Variants in SPIRE1 observed in about 807,000 individuals in gnomAD.
SPIRE1 encodes the protein protein spire homolog 1.
A neutral mutation model predicts 94.1 loss-of-function variants in SPIRE1; 40 were observed. That is an observed-to-expected ratio of 0.43 (90% CI 0.33 to 0.55). SPIRE1 has a LOEUF of 0.55. Ranked by LOEUF, SPIRE1 falls within the 20% of genes least tolerant of loss-of-function variation. The pLI is 0.06. For missense variants in SPIRE1, 838 were observed against 975.2 expected, an observed-to-expected ratio of 0.86 and a Z score of 1.87; for synonymous variants, 376 against 371.7, an observed-to-expected ratio of 1.01 and a Z score of -0.13.
chr18:12,515,202 C>T (rs1224258596), intron 4 of SPIRE1, among the ~76,000 whole-genome samples: 1 of 151,944 alleles, frequency 6.6e-6, no homozygotes, highest in Non-Finnish European at 1.5e-5. Context: ...CTTTATAAGC[C>T]CATACTTTTT....
intron 2 of SPIRE1, among the ~76,000 whole-genome samples, chr18:12,554,296 CAAAA>C (rs35637714): frequency 3.5e-5 from 2 of 56,364 alleles, no homozygotes; most frequent in Admixed American, 1.8e-4. Context: ...AGACTCTGTT[CAAAA>C]AAAAAAAAAA....
intron 2 of SPIRE1, among the ~76,000 whole-genome samples, chr18:12,614,488 G>GAAAA (rs2037228166): frequency 2.0e-5 from 3 of 152,140 alleles, no homozygotes; most frequent in African/African-American, 7.2e-5. Context: ...CAGGAGACTG[G>GAAAA]GAAAGAAGGG....
chr18:12,642,188 G>T (rs1250834739), intron 1 of SPIRE1, among the ~76,000 whole-genome samples: 1 of 152,038 alleles, frequency 6.6e-6, no homozygotes, highest in Non-Finnish European at 1.5e-5. Context: ...CCAACAATAC[G>T]TTTGTGTGAC....
At chr18:12,459,025 C>G (rs2031661673) in intron 12 of SPIRE1, among the ~76,000 whole-genome samples, 1 of 152,206 alleles carries the variant, frequency 6.6e-6, no homozygotes, top group Non-Finnish European at 1.5e-5. Context: ...AGCACAAAGG[C>G]TGCTCTGAGC....
At chr18:12,554,567 G>GAAGAACTA (rs2035447072) in intron 2 of SPIRE1, among the ~76,000 whole-genome samples, 1 of 152,134 alleles carries the variant, frequency 6.6e-6, no homozygotes, top group South Asian at 2.1e-4. Flanking sequence ...AACATTTAAA[G>GAAGAACTA]AAGAACTAAT....
At chr18:12,481,351 G>C (rs999203735) in intron 9 of SPIRE1, among the ~76,000 whole-genome samples, 1 of 147,644 alleles carries the variant, frequency 6.8e-6, no homozygotes, top group African/African-American at 2.5e-5. Flanking sequence ...CACACCTTAA[G>C]TACGAGAGGT....
intron 12 of SPIRE1, among the ~76,000 whole-genome samples, chr18:12,461,473 C>T (rs1442577597): frequency 1.3e-5 from 2 of 149,228 alleles, no homozygotes; most frequent in African/African-American, 5.0e-5. Context: ...TACATATGTA[C>T]GTACATACAT....
chr18:12,609,164 C>CA, intron 2 of SPIRE1, among the ~76,000 whole-genome samples: 1 of 152,310 alleles, frequency 6.6e-6, no homozygotes, highest in Admixed American at 6.5e-5. Flanking sequence ...CTCACTCAAC[C>CA]ACCACTCACC....
chr18:12,578,908 T>C (rs1389694509), intron 2 of SPIRE1, among the ~76,000 whole-genome samples: 1 of 152,140 alleles, frequency 6.6e-6, no homozygotes, highest in Non-Finnish European at 1.5e-5. Flanking sequence ...TAAGTAAGCC[T>C]CACAGTAAAT....
intron 4 of SPIRE1, among the ~76,000 whole-genome samples, chr18:12,525,286 A>AAT (rs1294090683): frequency 6.8e-6 from 1 of 146,474 alleles, no homozygotes; most frequent in Non-Finnish European, 1.5e-5. Context: ...CAAAAAAAAA[A>AAT]AAAAAAAAAA....
At chr18:12,597,942 G>A (rs1018188401) in intron 2 of SPIRE1, among the ~76,000 whole-genome samples, 5 of 152,182 alleles carry the variant, frequency 3.3e-5, no homozygotes, top group African/African-American at 1.2e-4. Context: ...TGCAGCGAAG[G>A]TGTGGGTGAG....
chr18:12,588,092 G>T (rs2036436595), intron 2 of SPIRE1, among the ~76,000 whole-genome samples: 7 of 152,130 alleles, frequency 4.6e-5, no homozygotes, highest in Admixed American at 3.3e-4. Context: ...CATATAACAT[G>T]TGGTCTTTTG....
At chr18:12,567,542 T>C (rs2035848853) in intron 2 of SPIRE1, among the ~76,000 whole-genome samples, 1 of 152,218 alleles carries the variant, frequency 6.6e-6, no homozygotes. Context: ...AGTGACATTT[T>C]GGGTCTCCTA....
chr18:12,602,060 T>C (rs775575766), intron 2 of SPIRE1, among the ~76,000 whole-genome samples: 11 of 152,144 alleles, frequency 7.2e-5, no homozygotes, highest in Non-Finnish European at 1.6e-4. Context: ...CCTTTCACAG[T>C]GTGTGCGCAT....
chr18:12,654,406 G>T (rs994522584), intron 1 of SPIRE1, among the ~76,000 whole-genome samples: 23 of 151,014 alleles, frequency 1.5e-4, no homozygotes, highest in African/African-American at 4.4e-4. Flanking sequence ...CAGCACTTTG[G>T]GAGGCCGAGA....
At chr18:12,541,605 T>C (rs1476795415) in intron 3 of SPIRE1, among the ~76,000 whole-genome samples, 1 of 152,206 alleles carries the variant, frequency 6.6e-6, no homozygotes, top group Non-Finnish European at 1.5e-5. Flanking sequence ...TTTAGGTCCA[T>C]TTTATATTAA....
Position 12,491,431 on chromosome 18 carries a change from G to A in SPIRE1, c.1189+1641C>T, listed in dbSNP as rs146490201. On this transcript the variant is annotated intron_variant, in intron 8 of 16. Transcript: ENST00000409402. ...ACAATAACAAAAACAGCATGGTACTGGCAAACAACAGTGGAACAGAACAAA... is the reference window on the plus strand; with the variant it reads ...ACAATAACAAAAACAGCATGGTACTAGCAAACAACAGTGGAACAGAACAAA... Among the ~76,000 whole-genome samples, 3 of 151,940 alleles carry A rather than the reference G, an allele frequency of 2.0e-5. No individual in the cohort carries two copies. In the East Asian group the frequency reaches 5.8e-4, roughly 29 times the overall value.
chr18:12,470,882 C>G (rs1409480803), intron 10 of SPIRE1, among the ~76,000 whole-genome samples: 1 of 151,918 alleles, frequency 6.6e-6, no homozygotes, highest in African/African-American at 2.4e-5. Context: ...ACCATGGCTG[C>G]AGGAAAGCCT....
chr18:12,487,404 T>C (rs976776821), intron 8 of SPIRE1, among the ~76,000 whole-genome samples: 3 of 45,352 alleles, frequency 6.6e-5, no homozygotes, highest in South Asian at 1.8e-3. Context: ...TTTTCTTTCT[T>C]TTTTTTTTTT....
Sources: gnomAD v4.1 joint callset for allele counts (sites outside exome capture counted in the v4.1 genomes callset) on GRCh38, gnomAD v4.1.1 for gene constraint, MANE v1.5 for transcripts, NCBI Gene and HGNC (gene_info 2026-07-23, HGNC 2026-07-21) for gene names.